CAMK4: variants seen among roughly 807,000 people sequenced by gnomAD.
CAMK4 encodes the protein calcium/calmodulin dependent protein kinase IV.
Under a neutral mutation model 44.9 loss-of-function variants are expected in CAMK4, and 22 were observed. That is an observed-to-expected ratio of 0.49 (90% CI 0.35 to 0.70). CAMK4 has a LOEUF of 0.70. CAMK4 is among the 30% of genes least tolerant of loss of function. CAMK4 has a pLI of 0.01. For synonymous variants in CAMK4, 218 were observed against 215.4 expected (o/e 1.01, Z -0.11); for missense variants, 498 against 586.8 (o/e 0.85, Z 1.56).
At chr5:111,282,635 C>T (rs957033275) in intron 1 of CAMK4, among the ~76,000 whole-genome samples, 1 of 152,154 alleles carries the variant, frequency 6.6e-6, no homozygotes, top group Admixed American at 6.5e-5. Context: ...CACCAGAATA[C>T]AGGTTACCAT....
intron 1 of CAMK4, among the ~76,000 whole-genome samples, chr5:111,308,259 AAAAT>A (rs1561399639): frequency 4.0e-4 from 52 of 128,968 alleles, no homozygotes; most frequent in African/African-American, 1.6e-3. Context: ...ATAAAAAAAT[AAAAT>A]AAAATAAATG....
In CAMK4 at chr5:111,291,941, T is replaced by A. The variant is rs1442920474; in HGVS notation, c.162-52083T>A. On this transcript the variant is annotated intron_variant, in intron 1 of 10. Coordinates refer to ENST00000282356, the MANE Select transcript of CAMK4 (RefSeq NM_001744.6). ...ACAACATACTATTTTATAAGGACAG[T>A]GTCTAGACATTCCATAAAACATGTG... Among the ~76,000 whole-genome samples, 3 of 152,256 alleles carry A rather than the reference T, an allele frequency of 2.0e-5. No individual in the cohort carries two copies. The East Asian group carries it at 5.8e-4, about 29-fold the overall frequency.
At chr5:111,256,858 A>G (rs748640550) in intron 1 of CAMK4, among the ~76,000 whole-genome samples, 6 of 152,208 alleles carry the variant, frequency 3.9e-5, no homozygotes, top group African/African-American at 7.2e-5. Flanking sequence ...CTGTATTTTG[A>G]AAGTTTACCA....
At chr5:111,359,277 TA>T (rs1750506526) in intron 2 of CAMK4, among the ~76,000 whole-genome samples, 2 of 3,300 alleles carry the variant, frequency 6.1e-4, no homozygotes, top group African/African-American at 9.7e-4. Context: ...TGTGAGATGG[TA>T]TTTGATTGTG....
chr5:111,425,424 C>T (rs907257222), intron 5 of CAMK4, among the ~76,000 whole-genome samples: 6 of 152,216 alleles, frequency 3.9e-5, no homozygotes, highest in African/African-American at 1.4e-4. Context: ...GGCATAGCAG[C>T]TTCCTGTGCT....
chr5:111,398,876 G>T (rs1324509562), intron 5 of CAMK4, among the ~76,000 whole-genome samples: 1 of 152,044 alleles, frequency 6.6e-6, no homozygotes, highest in African/African-American at 2.4e-5. Flanking sequence ...GGTCCAGTCA[G>T]CCTATCTCCA....
intron 5 of CAMK4, among the ~76,000 whole-genome samples, chr5:111,410,726 ATT>A (rs1193813171): frequency 1.5e-4 from 23 of 152,174 alleles, no homozygotes; most frequent in African/African-American, 5.6e-4. Flanking sequence ...GTAATGGCTA[ATT>A]CAGGAGGGGT....
intron 5 of CAMK4, among the ~76,000 whole-genome samples, chr5:111,421,579 T>C (rs185589844): frequency 3.5e-4 from 54 of 152,346 alleles, no homozygotes; most frequent in Non-Finnish European, 5.9e-4. Context: ...CTTAATCTTT[T>C]TTCTCTCCAT....
intron 7 of CAMK4, among the ~76,000 whole-genome samples, chr5:111,457,731 T>C (rs1027569810): frequency 1.3e-5 from 2 of 152,210 alleles, no homozygotes; most frequent in African/African-American, 2.4e-5. Context: ...TAATCTAAAA[T>C]AGAAACTTTT....
chr5:111,371,107 C>T (rs996318997), intron 2 of CAMK4, among the ~76,000 whole-genome samples: 3 of 151,986 alleles, frequency 2.0e-5, no homozygotes, highest in South Asian at 2.1e-4. Context: ...TTTCACTAAA[C>T]GAAAGAACTT....
At chr5:111,234,132 A>C (rs1474942588) in intron 1 of CAMK4, among the ~76,000 whole-genome samples, 1 of 152,238 alleles carries the variant, frequency 6.6e-6, no homozygotes, top group East Asian at 1.9e-4. Context: ...ACTGGGTCAA[A>C]GAATGGTAGT....
rs772366765 is a variant in CAMK4 at position 111,484,143 on chromosome 5, G to C, written c.1099G>C (p.Glu367Gln). ...RDPSPIQDGN[E>Q]DMKAIPEGEK... ...CCCTTCTCCAATCCAAGATGGCAAC[G>C]AGGACATGAAAGCTATTCCAGAAGG... Residue 367 changes from glutamate (E) to glutamine (Q), a missense_variant, in exon 11 of 11, where the codon GAG (glutamate) becomes CAG (glutamine). Physicochemically the swap from Glu to Gln is conservative, Grantham distance 29. Around this residue, in one of 3 missense-constraint regions of CAMK4, gnomAD observed 143 missense variants for 144.9 expected, o/e 0.99. Transcript: ENST00000282356. The surrounding 1 kb of genome is among the most constrained non-coding windows in gnomAD (Gnocchi z 5.3). 40 of 1,614,070 alleles carry C rather than the reference G, an allele frequency of 2.5e-5. No individual in the cohort carries two copies. The highest frequency in any genetic ancestry group is 3.1e-5 in the Non-Finnish European group (37 of 1,180,030).
At chr5:111,445,915 C>G (rs887400650) in intron 5 of CAMK4, among the ~76,000 whole-genome samples, 1 of 152,098 alleles carries the variant, frequency 6.6e-6, no homozygotes, top group Admixed American at 6.5e-5. Flanking sequence ...ACGTTTCAAA[C>G]TGATGAGGGA....
At chr5:111,320,757 C>T (rs530939697) in intron 1 of CAMK4, among the ~76,000 whole-genome samples, 418 of 152,246 alleles carry the variant, frequency 2.7e-3, no homozygotes, top group Middle Eastern at 6.8e-3. Flanking sequence ...CCACCCGCCT[C>T]GGCCTCCCAA....
At chr5:111,256,984 T>G (rs181434824) in intron 1 of CAMK4, among the ~76,000 whole-genome samples, 8 of 152,284 alleles carry the variant, frequency 5.3e-5, no homozygotes, top group African/African-American at 1.9e-4. Flanking sequence ...TCTTTACACC[T>G]TATACAAAAA....
At chr5:111,419,955 A>G (rs1294383009) in intron 5 of CAMK4, among the ~76,000 whole-genome samples, 3 of 152,020 alleles carry the variant, frequency 2.0e-5, no homozygotes, top group Non-Finnish European at 1.5e-5. Flanking sequence ...ATGAACTTTA[A>G]AGTAGTTTTT....
At chr5:111,368,160 T>G (rs1750869116) in intron 2 of CAMK4, among the ~76,000 whole-genome samples, 1 of 152,140 alleles carries the variant, frequency 6.6e-6, no homozygotes, top group Non-Finnish European at 1.5e-5. Context: ...TTGTAGATAC[T>G]AAAGGTATGT....
At chr5:111,351,833 C>A (rs536087667) in intron 2 of CAMK4, among the ~76,000 whole-genome samples, 60 of 152,202 alleles carry the variant, frequency 3.9e-4, no homozygotes, top group Non-Finnish European at 6.8e-4. Flanking sequence ...GATTGAATAA[C>A]ACGAACTTGG....
At chr5:111,240,876 A>C (rs1010208612) in intron 1 of CAMK4, among the ~76,000 whole-genome samples, 1 of 152,236 alleles carries the variant, frequency 6.6e-6, no homozygotes, top group Non-Finnish European at 1.5e-5. Context: ...AGTAGATATT[A>C]ATAGAACCCC....
Sources: allele counts gnomAD v4.1 joint callset (sites outside exome capture counted in the v4.1 genomes callset), GRCh38; gene constraint gnomAD v4.1.1; regional missense constraint gnomAD v4.1.1; non-coding constraint Gnocchi (gnomAD v3.1); transcripts MANE v1.5; gene names NCBI Gene and HGNC (gene_info 2026-07-23, HGNC 2026-07-21).